Variants in BAZ2B observed in about 807,000 individuals in gnomAD.
BAZ2B encodes bromodomain adjacent to zinc finger domain 2B, also known as bromodomain adjacent to zinc finger domain protein 2B.
A neutral mutation model predicts 246.0 loss-of-function variants in BAZ2B; 91 were observed. The observed-to-expected ratio is 0.37, with a 90% CI of 0.31 to 0.44. BAZ2B has a LOEUF of 0.44. Among genes scored for constraint, BAZ2B ranks in the 20% least tolerant of loss-of-function variants. The probability of loss-of-function intolerance (pLI) is 1.00; values close to 1 mark genes in which losing one functional copy is unlikely to be tolerated. For missense variants in BAZ2B, 2,332 were observed against 2,533.7 expected (o/e 0.92, Z 1.71); for synonymous variants, 855 against 860.0 (o/e 0.99, Z 0.10).
chr2:159,396,422 A>G (rs1259634836), intron 19 of BAZ2B: 1 of 152,154 alleles, frequency 6.6e-6, no homozygotes, highest in East Asian at 1.9e-4. Context: ...TACACCACCA[A>G]TGAAATGGGA....
At chr2:159,536,288 A>G (rs1337035889) in intron 2 of BAZ2B, 3 of 152,234 alleles carry the variant, frequency 2.0e-5, no homozygotes, top group African/African-American at 7.2e-5. Context: ...AAAAAAACAA[A>G]GAAATCTGTC....
At chr2:159,448,165 G>C (rs2074530766) in intron 5 of BAZ2B, 77 bp downstream of exon 5, 1 of 1,489,824 alleles carries the variant, frequency 6.7e-7, no homozygotes, top group Non-Finnish European at 9.0e-7. Flanking sequence ...AACAAAAAAA[G>C]GTATTAAACC....
chr2:159,421,974 C>T (rs562976346), intron 13 of BAZ2B, among the ~76,000 whole-genome samples: 6 of 152,138 alleles, frequency 3.9e-5, no homozygotes, highest in Admixed American at 1.3e-4. Flanking sequence ...AAATCAAGAA[C>T]GCAATCTCAT....
chr2:159,521,742 G>A (rs1476192537), intron 2 of BAZ2B, among the ~76,000 whole-genome samples: 1 of 151,830 alleles, frequency 6.6e-6, no homozygotes, highest in Non-Finnish European at 1.5e-5. Context: ...GCTTCTATCA[G>A]CACTATTAGT....
intron 14 of BAZ2B, among the ~76,000 whole-genome samples, chr2:159,405,511 G>A (rs544520873): frequency 3.9e-5 from 6 of 152,060 alleles, no homozygotes; most frequent in East Asian, 1.9e-4. Flanking sequence ...ACTCCCAGCC[G>A]AGGATATAAT....
intron 6 of BAZ2B, among the ~76,000 whole-genome samples, chr2:159,442,644 A>G (rs1168991346): frequency 1.3e-5 from 2 of 152,192 alleles, no homozygotes; most frequent in African/African-American, 2.4e-5. Flanking sequence ...ATACCTATTA[A>G]ACACTAACTT....
At chr2:159,501,770 G>A (rs532278869) in intron 2 of BAZ2B, among the ~76,000 whole-genome samples, 2 of 152,250 alleles carry the variant, frequency 1.3e-5, no homozygotes, top group Non-Finnish European at 2.9e-5. Context: ...TAAACATTAA[G>A]AGTTACTGTA....
At chr2:159,326,412 A>C (rs1276950517) in intron 34 of BAZ2B, among the ~76,000 whole-genome samples, 1 of 152,144 alleles carries the variant, frequency 6.6e-6, no homozygotes, top group Non-Finnish European at 1.5e-5. Flanking sequence ...TCTACTAGAA[A>C]TTGATTTGAT....
intron 27 of BAZ2B, among the ~76,000 whole-genome samples, chr2:159,362,263 G>A (rs115864820): frequency 0.03 from 4,528 of 152,234 alleles, 133 homozygotes; most frequent in South Asian, 0.091. Context: ...CTTCAGCTGA[G>A]GTCAACACTG....
intron 34 of BAZ2B, 137 bp downstream of exon 34, chr2:159,332,403 C>T: frequency 1.2e-6 from 1 of 813,568 alleles, no homozygotes; most frequent in Non-Finnish European, 1.9e-6. Flanking sequence ...CAGAGGATAG[C>T]TTGAGCCCAG....
At chr2:159,635,501 C>G in the BAZ2B span, among the ~76,000 whole-genome samples, 3 of 152,044 alleles carry the variant, frequency 2.0e-5, no homozygotes, top group Non-Finnish European at 4.4e-5. Flanking sequence ...CCACACTACG[C>G]TTTAGGAAAT....
chr2:159,519,404 T>C (rs1195159470), intron 2 of BAZ2B, among the ~76,000 whole-genome samples: 75 of 146,838 alleles, frequency 5.1e-4, no homozygotes, highest in African/African-American at 1.8e-3. Flanking sequence ...TAATTTTTTG[T>C]ATTTTTTAGT....
intron 3 of BAZ2B, among the ~76,000 whole-genome samples, chr2:159,454,682 T>A (rs545347861): frequency 7.9e-5 from 12 of 152,266 alleles, no homozygotes; most frequent in African/African-American, 1.2e-4. Context: ...AGTATCTTGA[T>A]ACCAAAAAGG....
chr2:159,475,192 A>G (rs1442629125), intron 3 of BAZ2B, among the ~76,000 whole-genome samples: 1 of 152,190 alleles, frequency 6.6e-6, no homozygotes, highest in Admixed American at 6.5e-5. Context: ...AGGTGCACCA[A>G]TCAAACATAG....
At position 159,400,623 on chromosome 2, in the gene BAZ2B, T is replaced by C. The variant is rs1490349248; in HGVS notation, c.2874A>G (p.Glu958=). The C allele has an allele frequency of 1.3e-6, 2 of 1,577,452 alleles. No individual in the cohort carries two copies. Among genetic ancestry groups the C allele is most frequent in the African/African-American group, 2.7e-5 (2 of 73,388 alleles). ...KRIQQIRMEK[E]LRAQQILEAK... ...CCTCTAGAATTTGCTGAGCTCGAAGTTCTTTTTCCATTCTGATTTGCTGTA... is the reference window on the plus strand; with the variant it reads ...CCTCTAGAATTTGCTGAGCTCGAAGCTCTTTTTCCATTCTGATTTGCTGTA... Residue 958 remains glutamate, a synonymous_variant, in exon 17 of 37, where the codon GAA becomes GAG. Coordinates refer to ENST00000392783, the MANE Select transcript of BAZ2B (RefSeq NM_013450.4).
chr2:159,647,617 C>G, the BAZ2B span, among the ~76,000 whole-genome samples: 1 of 152,160 alleles, frequency 6.6e-6, no homozygotes, highest in Non-Finnish European at 1.5e-5. Flanking sequence ...AGCCAATTCC[C>G]TTGATTATTC....
chr2:159,568,274 AC>A (rs1391802947), intron 1 of BAZ2B, among the ~76,000 whole-genome samples: 1 of 152,234 alleles, frequency 6.6e-6, no homozygotes, highest in Non-Finnish European at 1.5e-5. Context: ...TTAACATTCA[AC>A]AAAAACTTGA....
chr2:159,351,933 CA>C (rs2058608390), intron 27 of BAZ2B, among the ~76,000 whole-genome samples: 1 of 152,186 alleles, frequency 6.6e-6, no homozygotes, highest in South Asian at 2.1e-4. Context: ...CAGGGGTAGC[CA>C]TGGTTAATTA....
intron 29 of BAZ2B, 78 bp downstream of exon 29, chr2:159,348,929 T>G (rs2058267257): frequency 3.2e-6 from 5 of 1,557,026 alleles, no homozygotes; most frequent in Non-Finnish European, 4.4e-6. Flanking sequence ...TATAGAACCA[T>G]CAAATATTCA....
Sources: gnomAD v4.1 joint callset for allele counts (sites outside exome capture counted in the v4.1 genomes callset) on GRCh38, gnomAD v4.1.1 for gene constraint, MANE v1.5 for transcripts, NCBI Gene and HGNC (gene_info 2026-07-23, HGNC 2026-07-21) for gene names.